The following ERCC6L2 variants were observed in gnomAD, a reference collection of about 807,000 sequenced individuals.
The protein encoded by ERCC6L2 is ERCC excision repair 6 like 2.
Under a neutral mutation model 132.0 loss-of-function variants are expected in ERCC6L2, and 77 were observed. The observed-to-expected ratio is 0.58, with a 90% CI of 0.49 to 0.71. ERCC6L2 has a LOEUF of 0.71. Ranked by LOEUF, ERCC6L2 falls within the 30% of genes least tolerant of loss-of-function variation. ERCC6L2 has a pLI of 0.00. For synonymous variants in ERCC6L2, 583 were observed against 632.4 expected, an observed-to-expected ratio of 0.92 and a Z score of 1.17; for missense variants, 1,542 against 1,837.6, an observed-to-expected ratio of 0.84 and a Z score of 2.94.
In ERCC6L2 at chr9:95,917,898, A is replaced by G. The variant is rs142719905; in HGVS notation, c.1158+1464A>G. Among the ~76,000 whole-genome samples, 1,310 of 152,332 alleles carry G rather than the reference A, an allele frequency of 8.6e-3. 3 individuals are homozygous for G. Among genetic ancestry groups the G allele is most frequent in the Non-Finnish European group, 0.014 (955 of 68,026 alleles). On this transcript the variant is annotated intron_variant, in intron 6 of 18. Transcript: ENST00000653738. The stretch of plus-strand genomic sequence containing the variant: ...TAAGAAATATTGAGTAATTGGTACT[A>G]TGTTTAATAATAATAAATAACTGAA...
At chr9:96,004,948 A>T (rs1383674550) in intron 18 of ERCC6L2, 75 of 325,044 alleles carry the variant, frequency 2.3e-4, no homozygotes, top group Non-Finnish European at 1.1e-4. Context: ...CATTTTATTC[A>T]TTCAGTCAAT....
Position 95,923,263 on chromosome 9 carries a change from A to T in ERCC6L2, c.1417A>T (p.Thr473Ser). The part of the protein sequence containing the change: ...QAASTSKQQE[T>S]LIKRICDQVF... ...TCTTCTGCCTTTTCCCTTCAAGGAAACACTTATCAAAAGGATATGTGATCA... is the reference window on the plus strand; with the variant it reads ...TCTTCTGCCTTTTCCCTTCAAGGAATCACTTATCAAAAGGATATGTGATCA... Residue 473 changes from threonine (T) to serine (S), a missense_variant, in exon 9 of 19, where the codon ACA becomes TCA. Around this residue, in one of 4 missense-constraint regions of ERCC6L2, gnomAD observed 945 missense variants for 1,105.2 expected, o/e 0.86. Transcript: ENST00000653738. The T allele has an allele frequency of 6.2e-7, 1 of 1,613,192 alleles. No homozygotes were observed. Among genetic ancestry groups the T allele is most frequent in the Non-Finnish European group, 8.5e-7 (1 of 1,179,478 alleles).
At position 95,972,948 on chromosome 9, in the gene ERCC6L2, GA is replaced by G; in HGVS notation, c.3198del (p.Asp1067ThrfsTer25). ...SKQSHRPRTI[R>X]DRTSFSSKLP... ...CAGAGCCACAGACCAAGAACTATAA[GA>G]GACAGAACTAGTTTTTCTTCAAAAT... On this transcript the variant is annotated frameshift_variant, in exon 16 of 19. Coordinates refer to ENST00000653738, the MANE Select transcript of ERCC6L2 (RefSeq NM_020207.7). LOFTEE classifies it high-confidence loss of function. 1 of 1,313,302 alleles carries G rather than the reference GA, an allele frequency of 7.6e-7. No individual in the cohort carries two copies. The highest frequency in any genetic ancestry group is 1.0e-6 in the Non-Finnish European group (1 of 993,032). The allele number at this position is 1,313,302 out of a possible 1,614,324, so 81.4% of individuals were successfully genotyped here. A position where few individuals can be genotyped will look rare whatever the true frequency, so the allele number is the denominator to read the frequency against.
In ERCC6L2 at chr9:95,948,799, AAAAAAAAAAG is replaced by A. The variant is rs1305731292; in HGVS notation, c.1848-7110_1848-7101del. Among the ~76,000 whole-genome samples, 4 of 151,546 alleles carry A rather than the reference AAAAAAAAAAG, an allele frequency of 2.6e-5. No homozygotes were observed. The East Asian group carries it at 7.7e-4, about 29-fold the overall frequency. ...AAGACCACAAGACATTAGAAAAAAA[AAAAAAAAAAG>A]AAAAGAAAAGAAAGAAAATGAAAAT... is the stretch of plus-strand genomic sequence containing the variant. On this transcript the variant is annotated intron_variant, in intron 12 of 18. Coordinates refer to ENST00000653738, the MANE Select transcript of ERCC6L2 (RefSeq NM_020207.7).
chr9:95,950,425 T>A (rs536815448), intron 12 of ERCC6L2, among the ~76,000 whole-genome samples: 2 of 152,146 alleles, frequency 1.3e-5, no homozygotes, highest in Non-Finnish European at 2.9e-5. Context: ...TGGAGGAATT[T>A]AGGGGCAAAA....
At chr9:95,967,551 A>T (rs1365639570) in intron 14 of ERCC6L2, 2 of 152,202 alleles carry the variant, frequency 1.3e-5, no homozygotes, top group African/African-American at 4.8e-5. Flanking sequence ...ACGTTTACAT[A>T]ATAACCATGC....
At position 95,972,356 on chromosome 9, in the gene ERCC6L2, A is replaced by AT; in HGVS notation, c.2609dup (p.Leu870PhefsTer10). 7.8e-7 allele frequency: 1 copy of AT among 1,284,006 alleles called. No homozygotes were observed. The highest frequency in any genetic ancestry group is 1.3e-5 in the South Asian group (1 of 77,460). 79.5% of individuals were successfully genotyped at this position (1,284,006 alleles called of 1,614,324 possible). A position where few individuals can be genotyped will look rare whatever the true frequency, so the allele number is the denominator to read the frequency against. On this transcript the variant is annotated frameshift_variant, in exon 16 of 19. Coordinates refer to ENST00000653738, the MANE Select transcript of ERCC6L2 (RefSeq NM_020207.7). LOFTEE classifies it high-confidence loss of function. ...GCATATTTTTTATAAAAGTGAGAAG[A>AT]TTTTAGAACAGAATATTTCTTCCAA...
chr9:95,897,976 A>C lies in ERCC6L2; in HGVS notation c.594+5A>C. Reference sequence around the variant, plus strand: ...CTTTCTTCTACAGCAAAAAAGGTAAAATCTCTAGACAATGTATATTCTACT... The same window carrying C: ...CTTTCTTCTACAGCAAAAAAGGTAACATCTCTAGACAATGTATATTCTACT... On this transcript the variant is annotated splice_donor_5th_base_variant and intron_variant, in intron 3 of 18. Transcript: ENST00000653738. The C allele has an allele frequency of 1.1e-5, 17 of 1,604,358 alleles. No homozygotes were observed. The highest frequency in any genetic ancestry group is 1.3e-5 in the Non-Finnish European group (15 of 1,176,418).
At chr9:95,883,474 G>A (rs1372246733) in intron 2 of ERCC6L2, among the ~76,000 whole-genome samples, 1 of 152,230 alleles carries the variant, frequency 6.6e-6, no homozygotes, top group African/African-American at 2.4e-5. Context: ...AAGCCCTGCT[G>A]TAACTGTTTT....
chr9:95,893,511 G>A (rs690495), intron 2 of ERCC6L2, among the ~76,000 whole-genome samples: 1 of 151,924 alleles, frequency 6.6e-6, no homozygotes, highest in Non-Finnish European at 1.5e-5. Context: ...CCCTGAAAGG[G>A]TCTGTTACAG....
rs778140011 is a variant in ERCC6L2 at position 95,923,281 on chromosome 9, T to C, written c.1435T>C (p.Cys479Arg). Residue 479 changes from cysteine to arginine, a missense_variant, in exon 9 of 19, where the codon TGT (cysteine) becomes CGT (arginine). Around this residue, in one of 4 missense-constraint regions of ERCC6L2, gnomAD observed 945 missense variants for 1,105.2 expected, o/e 0.86. Coordinates refer to ENST00000653738, the MANE Select transcript of ERCC6L2 (RefSeq NM_020207.7). ...KQQETLIKRICDQVFSRFPDF... is the reference protein window; with the variant it reads ...KQQETLIKRIRDQVFSRFPDF... The stretch of plus-strand genomic sequence containing the variant: ...CAAGGAAACACTTATCAAAAGGATA[T>C]GTGATCAGGTATTTTCCAGATTCCC... The C allele has an allele frequency of 3.1e-6, 5 of 1,613,698 alleles. No individual in the cohort carries two copies. In the South Asian group the frequency reaches 5.5e-5, roughly 18 times the overall value.
intron 12 of ERCC6L2, among the ~76,000 whole-genome samples, chr9:95,942,213 C>T (rs1409805662): frequency 6.6e-6 from 1 of 151,996 alleles, no homozygotes; most frequent in Non-Finnish European, 1.5e-5. Context: ...CCAGATCTCC[C>T]CAGGACATGA....
rs767745101 is a variant in ERCC6L2 at position 96,015,015 on chromosome 9, G to GTTTTTTTTTTTTTTTTTTTTTTTTTTTTT, written c.*1837_*1838insTTTTTTTTTTTTTTTTTTTTTTTTTTTTT. Among the ~76,000 whole-genome samples, 1 of 65,426 alleles carries GTTTTTTTTTTTTTTTTTTTTTTTTTTTTT rather than the reference G, an allele frequency of 1.5e-5. No homozygotes were observed. Among genetic ancestry groups the GTTTTTTTTTTTTTTTTTTTTTTTTTTTTT allele is most frequent in the Non-Finnish European group, 2.6e-5 (1 of 37,998 alleles). 42.9% of individuals were successfully genotyped at this position (65,426 alleles called of 152,430 possible). A position where few individuals can be genotyped will look rare whatever the true frequency, so the allele number is the denominator to read the frequency against. On this transcript the variant is annotated 3_prime_UTR_variant, in exon 19 of 19. Transcript: ENST00000653738. ...GCTCTATAGTCTTCATATATGTACA[G>GTTTTTTTTTTTTTTTTTTTTTTTTTTTTT]TTTTTTTTTTTTTTTTTTTTTTTTT...
At chr9:95,974,672 T>C (rs961381661) in intron 16 of ERCC6L2, among the ~76,000 whole-genome samples, 4 of 152,050 alleles carry the variant, frequency 2.6e-5, no homozygotes, top group African/African-American at 4.8e-5. Flanking sequence ...GTAATGAACA[T>C]TGCTACTGTT....
At chr9:95,924,641 G>A (rs1486749674) in intron 9 of ERCC6L2, among the ~76,000 whole-genome samples, 1 of 151,806 alleles carries the variant, frequency 6.6e-6, no homozygotes, top group East Asian at 1.9e-4. Flanking sequence ...AAAATTGCCA[G>A]TCTTGAAATT....
intron 6 of ERCC6L2, among the ~76,000 whole-genome samples, chr9:95,919,141 G>A (rs989009403): frequency 1.3e-5 from 2 of 152,114 alleles, no homozygotes; most frequent in Admixed American, 6.5e-5. Flanking sequence ...GATTACAGGC[G>A]TGAGCCACCA....
intron 18 of ERCC6L2, among the ~76,000 whole-genome samples, chr9:96,008,951 C>T (rs777108118): frequency 6.6e-6 from 1 of 152,240 alleles, no homozygotes; most frequent in Admixed American, 6.5e-5. Flanking sequence ...GCAGCCTTCA[C>T]AGCCTTGCAC....
intron 17 of ERCC6L2, among the ~76,000 whole-genome samples, chr9:96,001,792 G>C (rs1833691694): frequency 1.3e-5 from 2 of 152,252 alleles, no homozygotes; most frequent in Non-Finnish European, 2.9e-5. Context: ...GGGGAGGCTT[G>C]GGCCGCACAG....
chr9:95,889,642 T>C (rs1327615946), intron 2 of ERCC6L2, among the ~76,000 whole-genome samples: 1 of 152,294 alleles, frequency 6.6e-6, no homozygotes, highest in African/African-American at 2.4e-5. Context: ...AAAAGTTTTT[T>C]CATGCCCCTT....
Sources: gnomAD v4.1 joint callset for allele counts (sites outside exome capture counted in the v4.1 genomes callset) on GRCh38, gnomAD v4.1.1 for gene constraint, gnomAD v4.1.1 regional missense constraint, MANE v1.5 for transcripts, NCBI Gene and HGNC (gene_info 2026-07-23, HGNC 2026-07-21) for gene names.